Variants in KHDRBS2 observed in about 807,000 individuals in gnomAD.
KHDRBS2 encodes the protein KH domain-containing, RNA-binding, signal transduction-associated protein 2.
A neutral mutation model predicts 44.3 loss-of-function variants in KHDRBS2; 26 were observed. The ratio of observed to expected loss-of-function variants is 0.59; its 90% CI spans 0.43 to 0.81. KHDRBS2 has a LOEUF of 0.81. KHDRBS2 is among the 40% of genes least tolerant of loss of function. KHDRBS2 has a pLI of 0.00. For missense variants in KHDRBS2, 476 were observed against 433.1 expected (o/e 1.10, Z -0.88); for synonymous variants, 194 against 151.1 (o/e 1.28, Z -2.08).
At chr6:61,598,626 T>A in the KHDRBS2 span, among the ~76,000 whole-genome samples, 223 of 152,230 alleles carry the variant, frequency 1.5e-3, 4 homozygotes, top group African/African-American at 5.2e-3. Context: ...CAAATATACA[T>A]CCAAAGCAAG....
chr6:61,736,150 G>A (rs1397125567), intron 6 of KHDRBS2, among the ~76,000 whole-genome samples: 1 of 134,832 alleles, frequency 7.4e-6, no homozygotes, highest in Non-Finnish European at 1.6e-5. Context: ...GAGTCTTCTC[G>A]GTTGGCACAG....
the KHDRBS2 span, among the ~76,000 whole-genome samples, chr6:61,564,614 A>G: frequency 6.6e-6 from 1 of 152,088 alleles, no homozygotes; most frequent in African/African-American, 2.4e-5. Flanking sequence ...GAATGAAAAA[A>G]CAGAACTACA....
chr6:61,711,738 G>A (rs1400577909), intron 7 of KHDRBS2, among the ~76,000 whole-genome samples: 1 of 151,754 alleles, frequency 6.6e-6, no homozygotes, highest in African/African-American at 2.4e-5. Context: ...TGAACACTAG[G>A]ACCACTGGAA....
At chr6:61,595,950 T>C in the KHDRBS2 span, among the ~76,000 whole-genome samples, 1 of 152,176 alleles carries the variant, frequency 6.6e-6, no homozygotes, top group Non-Finnish European at 1.5e-5. Flanking sequence ...TCTAGTCATC[T>C]TGGGTTTCAA....
chr6:61,881,978 C>G (rs1442030115), intron 6 of KHDRBS2, among the ~76,000 whole-genome samples: 1 of 151,978 alleles, frequency 6.6e-6, no homozygotes, highest in Non-Finnish European at 1.5e-5. Context: ...ACAACATGGG[C>G]TAAATTACAA....
At chr6:61,880,644 T>C (rs2127316480) in intron 6 of KHDRBS2, among the ~76,000 whole-genome samples, 1 of 152,064 alleles carries the variant, frequency 6.6e-6, no homozygotes, top group Admixed American at 6.6e-5. Flanking sequence ...ATATAAGGGA[T>C]CAGTTCCTGC....
At chr6:62,010,320 T>C (rs1472433062) in intron 3 of KHDRBS2, among the ~76,000 whole-genome samples, 1 of 152,172 alleles carries the variant, frequency 6.6e-6, no homozygotes, top group African/African-American at 2.4e-5. Flanking sequence ...GCTCCCCCAT[T>C]GTATCTATTA....
intron 7 of KHDRBS2, among the ~76,000 whole-genome samples, chr6:61,709,964 G>A (rs1185400009): frequency 2.0e-5 from 3 of 151,598 alleles, no homozygotes; most frequent in Non-Finnish European, 4.4e-5. Flanking sequence ...ATTCATTGGT[G>A]CAAGCTGCAC....
chr6:61,590,439 G>A, the KHDRBS2 span, among the ~76,000 whole-genome samples: 1 of 152,076 alleles, frequency 6.6e-6, no homozygotes, highest in Non-Finnish European at 1.5e-5. Flanking sequence ...AATAAATTCT[G>A]CAAGTTACTC....
chr6:61,600,215 T>C, the KHDRBS2 span, among the ~76,000 whole-genome samples: 3 of 152,186 alleles, frequency 2.0e-5, no homozygotes, highest in African/African-American at 7.2e-5. Context: ...AGCTAAGCCA[T>C]CATATCCCTT....
At chr6:61,636,237 T>TCTTTA in the KHDRBS2 span, among the ~76,000 whole-genome samples, 1 of 152,108 alleles carries the variant, frequency 6.6e-6, no homozygotes, top group Admixed American at 6.6e-5. Context: ...AGAAACATCC[T>TCTTTA]CTTTACTTTA....
chr6:61,982,941 G>A lies in KHDRBS2; in HGVS notation c.337-4729C>T, dbSNP rs549807394. On this transcript the variant is annotated intron_variant, in intron 3 of 8. Coordinates refer to ENST00000281156, the MANE Select transcript of KHDRBS2 (RefSeq NM_152688.4). ...TATACTTCATACCATTTGAATTGAT[G>A]ATACTTTTATAAACAGAAATGAAAT... Among the ~76,000 whole-genome samples the A allele has an allele frequency of 2.6e-5, 4 of 151,884 alleles. No individual in the cohort carries two copies. The South Asian group carries it at 6.2e-4, about 24-fold the overall frequency.
chr6:61,607,677 A>C, the KHDRBS2 span, among the ~76,000 whole-genome samples: 1 of 152,070 alleles, frequency 6.6e-6, no homozygotes, highest in African/African-American at 2.4e-5. Context: ...TAGCCCAAAA[A>C]TCATTAAAGA....
intron 1 of KHDRBS2, among the ~76,000 whole-genome samples, chr6:62,239,566 C>T (rs1563116839): frequency 8.7e-6 from 1 of 114,964 alleles, no homozygotes; most frequent in Admixed American, 8.5e-5. Context: ...GAGTTAGACC[C>T]CATCTCAATT....
chr6:61,846,533 A>C (rs182623090), intron 6 of KHDRBS2, among the ~76,000 whole-genome samples: 140 of 152,294 alleles, frequency 9.2e-4, no homozygotes, highest in Admixed American at 2.0e-3. Flanking sequence ...TATCCAACTC[A>C]TCCTATTTGA....
intron 3 of KHDRBS2, among the ~76,000 whole-genome samples, chr6:62,004,840 G>T (rs1181419426): frequency 1.3e-5 from 2 of 151,934 alleles, no homozygotes; most frequent in Non-Finnish European, 2.9e-5. Flanking sequence ...TCATCCCTGG[G>T]ATTAAAGGCT....
At chr6:61,771,622 C>A (rs1276390924) in intron 6 of KHDRBS2, among the ~76,000 whole-genome samples, 3 of 152,024 alleles carry the variant, frequency 2.0e-5, no homozygotes, top group South Asian at 2.1e-4. Context: ...GGATCAATTC[C>A]ACAAGAAGAG....
intron 2 of KHDRBS2, among the ~76,000 whole-genome samples, chr6:62,125,330 T>G (rs1055811568): frequency 6.6e-6 from 1 of 152,162 alleles, no homozygotes; most frequent in African/African-American, 2.4e-5. Context: ...AAATGCCCAT[T>G]CCAGTTGTCA....
At chr6:61,578,667 T>G in the KHDRBS2 span, among the ~76,000 whole-genome samples, 1 of 152,234 alleles carries the variant, frequency 6.6e-6, no homozygotes, top group Non-Finnish European at 1.5e-5. Flanking sequence ...GTCATAGTGA[T>G]AAGATATTTT....
Sources: allele counts gnomAD v4.1 joint callset (sites outside exome capture counted in the v4.1 genomes callset), GRCh38; gene constraint gnomAD v4.1.1; transcripts MANE v1.5; gene names NCBI Gene and HGNC (gene_info 2026-07-23, HGNC 2026-07-21).